KLHL29: variants seen among roughly 807,000 people sequenced by gnomAD.
KLHL29 encodes kelch-like protein 29.
KLHL29 carries 21 observed loss-of-function variants against 80.4 expected under a neutral mutation model. That is an observed-to-expected ratio of 0.26 (90% CI 0.19 to 0.38). The LOEUF (loss-of-function observed/expected upper bound fraction) is 0.38. Among genes scored for constraint, KLHL29 ranks in the 10% least tolerant of loss-of-function variants. KLHL29 has a pLI of 1.00. For synonymous variants in KLHL29, 511 were observed against 526.8 expected (o/e 0.97, Z 0.41); for missense variants, 867 against 1,223.9 (o/e 0.71, Z 4.35).
chr2:23,519,764 C>A (rs925428380), intron 2 of KLHL29, among the ~76,000 whole-genome samples: 11 of 152,104 alleles, frequency 7.2e-5, no homozygotes, highest in African/African-American at 2.7e-4. Flanking sequence ...TATATCGGTT[C>A]TGTCTGGAAA....
intron 3 of KLHL29, among the ~76,000 whole-genome samples, chr2:23,601,342 T>C (rs1465266330): frequency 6.6e-6 from 1 of 152,240 alleles, no homozygotes; most frequent in Non-Finnish European, 1.5e-5. Context: ...GAAATGTCTG[T>C]ATTCAGTGAC....
chr2:23,422,817 G>A (rs1662859894), intron 1 of KLHL29, among the ~76,000 whole-genome samples: 1 of 152,200 alleles, frequency 6.6e-6, no homozygotes, highest in Non-Finnish European at 1.5e-5. Flanking sequence ...GTCTGCATGT[G>A]CAGGTGGGTG....
At chr2:23,561,702 G>A (rs1443575969) in intron 2 of KLHL29, among the ~76,000 whole-genome samples, 1 of 152,188 alleles carries the variant, frequency 6.6e-6, no homozygotes, top group Non-Finnish European at 1.5e-5. Context: ...AGAGATTTAT[G>A]TAAAGGGCTT....
intron 3 of KLHL29, among the ~76,000 whole-genome samples, chr2:23,599,353 G>A (rs534269022): frequency 3.1e-4 from 47 of 152,178 alleles, no homozygotes; most frequent in Non-Finnish European, 5.6e-4. Flanking sequence ...TGAGGAAACC[G>A]GGGCTTTTCT....
intron 2 of KLHL29, among the ~76,000 whole-genome samples, chr2:23,547,949 T>G (rs1317419825): frequency 6.6e-6 from 1 of 152,092 alleles, no homozygotes; most frequent in Non-Finnish European, 1.5e-5. Flanking sequence ...GAGGTGGCGC[T>G]ATGCCACTGG....
chr2:23,474,114 T>C (rs1664567973), intron 1 of KLHL29, among the ~76,000 whole-genome samples: 1 of 152,356 alleles, frequency 6.6e-6, no homozygotes, highest in East Asian at 1.9e-4. Flanking sequence ...CAATTTTCAC[T>C]ACTTTTTAAG....
intron 5 of KLHL29, among the ~76,000 whole-genome samples, chr2:23,670,958 CT>C (rs1670713888): frequency 1.4e-4 from 3 of 22,144 alleles, no homozygotes; most frequent in African/African-American, 2.1e-4. Context: ...CTCTCTCTCT[CT>C]CTCTCTCTCT....
At chr2:23,580,004 T>C (rs551727974) in intron 3 of KLHL29, among the ~76,000 whole-genome samples, 1 of 152,334 alleles carries the variant, frequency 6.6e-6, no homozygotes, top group Non-Finnish European at 1.5e-5. Flanking sequence ...GCTTAACCAT[T>C]GTGTGGCCTC....
chr2:23,514,013 A>C (rs550158006), intron 2 of KLHL29, among the ~76,000 whole-genome samples: 24 of 152,350 alleles, frequency 1.6e-4, no homozygotes, highest in African/African-American at 5.3e-4. Flanking sequence ...CTTCAAACGC[A>C]ATAAATCACA....
intron 3 of KLHL29, among the ~76,000 whole-genome samples, chr2:23,582,094 C>T (rs1212065021): frequency 1.3e-5 from 2 of 152,170 alleles, no homozygotes; most frequent in Non-Finnish European, 2.9e-5. Context: ...GGCAAAACAG[C>T]TCCTATCAGC....
rs1242645367 is a variant in KLHL29 at position 23,670,967 on chromosome 2, TC to T, written c.941-13431del. ...CTCTCTCTCTCTCTCTCTCTCTCTCTCTCTCTCTCTCTCCCTCCCTCCCTCC... is the reference window on the plus strand; with the variant it reads ...CTCTCTCTCTCTCTCTCTCTCTCTCTTCTCTCTCTCTCCCTCCCTCCCTCC... On this transcript the variant is annotated intron_variant, in intron 5 of 13. Transcript: ENST00000486442. Among the ~76,000 whole-genome samples the T allele has an allele frequency of 1.8e-3, 33 of 17,974 alleles. 2 individuals are homozygous for T. Among genetic ancestry groups the T allele is most frequent in the African/African-American group, 4.5e-3 (32 of 7,142 alleles). The allele number at this position is 17,974 out of a possible 152,430, so 11.8% of individuals were successfully genotyped here. A position where few individuals can be genotyped will look rare whatever the true frequency, so the allele number is the denominator to read the frequency against.
At position 23,708,307 on chromosome 2, in the gene KLHL29, A is replaced by G. The variant is rs1224368733; in HGVS notation, c.*1643A>G. The G allele has an allele frequency of 6.6e-6, 1 of 152,218 alleles. No individual in the cohort carries two copies. Among genetic ancestry groups the G allele is most frequent in the Non-Finnish European group, 1.5e-5 (1 of 68,048 alleles). 9.4% of individuals were successfully genotyped at this position (152,218 alleles called of 1,614,324 possible). On this transcript the variant is annotated 3_prime_UTR_variant, in exon 14 of 14. Coordinates refer to ENST00000486442, the MANE Select transcript of KLHL29 (RefSeq NM_052920.2). ...ACATACATTGTATGTCATTTAAAGT[A>G]TTTATGTCAAACAGGGTGCAAGTGT...
intron 2 of KLHL29, among the ~76,000 whole-genome samples, chr2:23,507,455 C>G (rs564116604): frequency 9.8e-5 from 15 of 152,354 alleles, no homozygotes; most frequent in African/African-American, 3.4e-4. Flanking sequence ...CCGTCCTTCC[C>G]TCTCCTGCTG....
At chr2:23,528,663 TTAAAC>T (rs1558374586) in intron 2 of KLHL29, among the ~76,000 whole-genome samples, 2 of 152,200 alleles carry the variant, frequency 1.3e-5, no homozygotes, top group Admixed American at 6.5e-5. Flanking sequence ...GACTGTGAAA[TTAAAC>T]TAATAATGTC....
intron 5 of KLHL29, among the ~76,000 whole-genome samples, chr2:23,664,590 T>G (rs1286914861): frequency 9.9e-5 from 15 of 152,250 alleles, no homozygotes; most frequent in Admixed American, 9.2e-4. Flanking sequence ...TTCCTAACAG[T>G]CTTGGGTTTG....
Position 23,619,752 on chromosome 2 carries a change from C to T in KLHL29, c.286-19387C>T, listed in dbSNP as rs140008800. ...AAGAGAAATGGAAGCACGTCTGGGGCGCTGGTAAAGCTAGCAAGGGCATTA... is the reference window on the plus strand; with the variant it reads ...AAGAGAAATGGAAGCACGTCTGGGGTGCTGGTAAAGCTAGCAAGGGCATTA... On this transcript the variant is annotated intron_variant, in intron 3 of 13. Coordinates refer to ENST00000486442, the MANE Select transcript of KLHL29 (RefSeq NM_052920.2). 7.2e-3 allele frequency among the ~76,000 whole-genome samples: 1,097 copies of T among 152,276 alleles called. 12 individuals carry two copies. Among genetic ancestry groups the T allele is most frequent in the African/African-American group, 0.025 (1,027 of 41,532 alleles).
chr2:23,656,053 TCTTCA>T (rs1033886609), intron 5 of KLHL29, among the ~76,000 whole-genome samples: 3 of 152,140 alleles, frequency 2.0e-5, no homozygotes, highest in African/African-American at 7.2e-5. Context: ...TGTTTATAGC[TCTTCA>T]CTTCAAAAGA....
At chr2:23,450,136 G>A (rs1663830106) in intron 1 of KLHL29, among the ~76,000 whole-genome samples, 1 of 152,046 alleles carries the variant, frequency 6.6e-6, no homozygotes. Flanking sequence ...CTGCAATTCA[G>A]AACACAAGTG....
intron 1 of KLHL29, among the ~76,000 whole-genome samples, chr2:23,396,521 G>A (rs1039167598): frequency 3.3e-5 from 5 of 152,292 alleles, no homozygotes; most frequent in Non-Finnish European, 5.9e-5. Context: ...ATTAAGGGCC[G>A]TGGAGTTTGG....
Sources: allele counts gnomAD v4.1 joint callset (sites outside exome capture counted in the v4.1 genomes callset), GRCh38; gene constraint gnomAD v4.1.1; transcripts MANE v1.5; gene names NCBI Gene and HGNC (gene_info 2026-07-23, HGNC 2026-07-21).